TMEM272: variants seen among roughly 807,000 people sequenced by gnomAD.
TMEM272 encodes the protein long intergenic non-protein coding RNA 282.
TMEM272 carries 8 observed loss-of-function variants against 3.7 expected under a neutral mutation model. That is an observed-to-expected ratio of 2.17 (90% CI 1.27 to 3.91). The LOEUF (loss-of-function observed/expected upper bound fraction) is 3.91, where lower values mean the gene tolerates loss of function less well. Ranked by LOEUF, TMEM272 falls within the 30% of genes most tolerant of loss-of-function variation. The pLI is 0.00. For missense variants in TMEM272, 166 were observed against 91.5 expected (o/e 1.81, Z -3.32); for synonymous variants, 63 against 39.8 (o/e 1.58, Z -2.20).
the TMEM272 span, among the ~76,000 whole-genome samples, chr13:51,918,748 C>T: frequency 6.6e-6 from 1 of 152,012 alleles, no homozygotes; most frequent in South Asian, 2.1e-4. Flanking sequence ...CCTCAGCCTC[C>T]CAAGTAGCTG....
chr13:51,833,786 T>C (rs1222523238), intron 2 of TMEM272, among the ~76,000 whole-genome samples: 1 of 152,194 alleles, frequency 6.6e-6, no homozygotes, highest in African/African-American at 2.4e-5. Context: ...TAAGAAATAT[T>C]GGACCCTTCC....
the TMEM272 span, among the ~76,000 whole-genome samples, chr13:51,851,451 A>T: frequency 7.0e-6 from 1 of 142,684 alleles, no homozygotes; most frequent in African/African-American, 2.6e-5. Context: ...ATTTGTAGTC[A>T]TTTTTTTTTT....
At chr13:51,827,853 A>ATACGT (rs1956140800) in intron 2 of TMEM272, among the ~76,000 whole-genome samples, 1 of 152,168 alleles carries the variant, frequency 6.6e-6, no homozygotes, top group South Asian at 2.1e-4. Flanking sequence ...CACTTACCAG[A>ATACGT]TACGTTATTA....
At chr13:51,878,483 C>T in the TMEM272 span, among the ~76,000 whole-genome samples, 1 of 151,994 alleles carries the variant, frequency 6.6e-6, no homozygotes, top group African/African-American at 2.4e-5. Flanking sequence ...ATTCACTCAC[C>T]ATCACAAGAA....
At chr13:51,922,794 G>A in the TMEM272 span, among the ~76,000 whole-genome samples, 2 of 152,282 alleles carry the variant, frequency 1.3e-5, no homozygotes, top group Middle Eastern at 3.4e-3. Context: ...GGCCACCACA[G>A]TCCTTGGCTT....
At chr13:51,908,904 T>C in the TMEM272 span, 337 of 1,407,394 alleles carry the variant, frequency 2.4e-4, 2 homozygotes, top group East Asian at 4.7e-3. Flanking sequence ...ACAGCTTGAT[T>C]CTCCTCTTTC....
the TMEM272 span, among the ~76,000 whole-genome samples, chr13:51,859,193 G>T: frequency 6.6e-6 from 1 of 151,116 alleles, no homozygotes; most frequent in African/African-American, 2.4e-5. Context: ...AAAAAAAATG[G>T]TAATTGTTTA....
the TMEM272 span, among the ~76,000 whole-genome samples, chr13:51,871,785 T>TACACACACACACACAC: frequency 7.7e-6 from 1 of 129,610 alleles, no homozygotes; most frequent in African/African-American, 3.0e-5. Flanking sequence ...AATCTCCCCC[T>TACACACACACACACAC]ACACACACAC....
chr13:51,931,052 T>C, the TMEM272 span, among the ~76,000 whole-genome samples: 1 of 152,168 alleles, frequency 6.6e-6, no homozygotes, highest in African/African-American at 2.4e-5. Context: ...TAAAAGTTAT[T>C]TGGAATGCTG....
At chr13:51,830,262 G>A (rs1479304314) in intron 2 of TMEM272, among the ~76,000 whole-genome samples, 1 of 152,210 alleles carries the variant, frequency 6.6e-6, no homozygotes, top group Non-Finnish European at 1.5e-5. Context: ...CCTAAGAGTG[G>A]AGAGGTAAAA....
chr13:51,845,367 A>G (rs918327574), upstream of TMEM272, among the ~76,000 whole-genome samples: 2 of 152,150 alleles, frequency 1.3e-5, no homozygotes, highest in Non-Finnish European at 2.9e-5. Context: ...ATTTCATTTC[A>G]GTCCCTTAGG....
At chr13:51,895,466 G>A in the TMEM272 span, among the ~76,000 whole-genome samples, 3 of 152,252 alleles carry the variant, frequency 2.0e-5, no homozygotes, top group African/African-American at 7.2e-5. Context: ...TGTGCTTTAG[G>A]CAGGGAATGG....
intron 1 of TMEM272, among the ~76,000 whole-genome samples, chr13:51,843,614 A>G (rs1292658543): frequency 6.6e-6 from 1 of 152,238 alleles, no homozygotes; most frequent in Non-Finnish European, 1.5e-5. Context: ...TATTTGATAG[A>G]AAGTTTTCTT....
chr13:51,864,889 CT>C, the TMEM272 span, among the ~76,000 whole-genome samples: 100 of 152,326 alleles, frequency 6.6e-4, no homozygotes, highest in African/African-American at 2.3e-3. Context: ...TCCTCCTCCC[CT>C]CTGAGGTCAG....
At chr13:51,914,108 T>C in the TMEM272 span, among the ~76,000 whole-genome samples, 1 of 152,116 alleles carries the variant, frequency 6.6e-6, no homozygotes. Flanking sequence ...TTCACACACA[T>C]TGAGAAAAAA....
At chr13:51,869,930 G>A in the TMEM272 span, among the ~76,000 whole-genome samples, 18 of 152,288 alleles carry the variant, frequency 1.2e-4, no homozygotes, top group South Asian at 1.7e-3. Context: ...ATGTAGGTTC[G>A]GATCCTTCCG....
the TMEM272 span, among the ~76,000 whole-genome samples, chr13:51,902,564 T>G: frequency 6.6e-6 from 1 of 151,624 alleles, no homozygotes; most frequent in Non-Finnish European, 1.5e-5. Flanking sequence ...CTTGGGAGAG[T>G]CCCATGGTTA....
rs1339995606 is a variant in TMEM272 at position 51,815,569 on chromosome 13, A to G, written c.*1182T>C. 1.3e-5 allele frequency: 2 copies of G among 152,328 alleles called. No individual in the cohort carries two copies. Among genetic ancestry groups the G allele is most frequent in the East Asian group, 3.8e-4 (2 of 5,200 alleles). 9.4% of individuals were successfully genotyped at this position (152,328 alleles called of 1,614,324 possible). ...ATAAACACAGCTCAGCAGTGTGTAA[A>G]TATACAGAAATGCTATGCACGTGGC... On this transcript the variant is annotated 3_prime_UTR_variant, in exon 5 of 5. Coordinates refer to ENST00000629372, the MANE Select transcript of TMEM272 (RefSeq NM_001351003.2).
intron 4 of TMEM272, among the ~76,000 whole-genome samples, chr13:51,820,094 TTAAC>T (rs1956066739): frequency 6.6e-6 from 1 of 152,164 alleles, no homozygotes; most frequent in African/African-American, 2.4e-5. Flanking sequence ...CACACAATAC[TTAAC>T]TTACTAGGCA....
Sources: gnomAD v4.1 joint callset for allele counts (sites outside exome capture counted in the v4.1 genomes callset) on GRCh38, gnomAD v4.1.1 for gene constraint, MANE v1.5 for transcripts, NCBI Gene and HGNC (gene_info 2026-07-23, HGNC 2026-07-21) for gene names.